Variants in PTPDC1 observed in about 807,000 individuals in gnomAD.
PTPDC1 encodes the protein protein tyrosine phosphatase domain-containing protein 1.
Under a neutral mutation model 75.3 loss-of-function variants are expected in PTPDC1, and 53 were observed. That is an observed-to-expected ratio of 0.70 (90% CI 0.56 to 0.88). PTPDC1 has a LOEUF of 0.88. PTPDC1 is among the 40% of genes least tolerant of loss of function. The pLI, the probability that PTPDC1 is intolerant of heterozygous loss-of-function variation, is 0.00. For missense variants in PTPDC1, 925 were observed against 998.6 expected (o/e 0.93, Z 0.99); for synonymous variants, 349 against 366.2 (o/e 0.95, Z 0.54).
At position 94,099,467 on chromosome 9, in the gene PTPDC1, A is replaced by T. The variant is rs142683265; in HGVS notation, c.2013+888A>T. Among the ~76,000 whole-genome samples the T allele has an allele frequency of 1.7e-3, 262 of 152,354 alleles. 2 individuals are homozygous for T. The highest frequency in any genetic ancestry group is 5.9e-3 in the African/African-American group (247 of 41,588). ...GTCTGCCATTGATTAAACAAGGCAT[A>T]TAAAATTTCTGAGTGCCAGTATCTC... On this transcript the variant is annotated intron_variant, in intron 6 of 8. Transcript: ENST00000620992.
rs1301513696 is a variant in PTPDC1 at position 94,088,570 on chromosome 9, A to T, written c.616+307A>T. Among the ~76,000 whole-genome samples, 3 of 152,116 alleles carry T rather than the reference A, an allele frequency of 2.0e-5. No individual in the cohort carries two copies. In the East Asian group the frequency reaches 5.8e-4, roughly 29 times the overall value. On this transcript the variant is annotated intron_variant, in intron 4 of 8. Transcript: ENST00000620992. ...AAAGCAGTTGTGTAACAAAATTATT[A>T]TTTCTGTTTTACATATGAAGCCACA... is the stretch of plus-strand genomic sequence containing the variant.
At chr9:94,049,255 C>A (rs1364745573) in intron 1 of PTPDC1, among the ~76,000 whole-genome samples, 1 of 151,462 alleles carries the variant, frequency 6.6e-6, no homozygotes, top group Non-Finnish European at 1.5e-5. Flanking sequence ...AATTCACTAA[C>A]CTGATGTTAG....
chr9:94,088,226 C>T lies in PTPDC1; in HGVS notation c.579C>T (p.Gly193=), dbSNP rs1270330432. 1 of 1,613,998 alleles carries T rather than the reference C, an allele frequency of 6.2e-7. No homozygotes were observed. Among genetic ancestry groups the T allele is most frequent in the Non-Finnish European group, 8.5e-7 (1 of 1,179,936 alleles). ...SCGNPLEQES[G]FTYLPEAFME... ...GGAACCCTCTGGAACAAGAAAGTGGCTTCACATACCTTCCTGAGGCTTTCA... is the reference window on the plus strand; with the variant it reads ...GGAACCCTCTGGAACAAGAAAGTGGTTTCACATACCTTCCTGAGGCTTTCA... Residue 193 remains glycine, a synonymous_variant, in exon 4 of 9, where the codon GGC becomes GGT. Transcript: ENST00000620992.
At chr9:94,105,917 G>A (rs886406291) in intron 8 of PTPDC1, among the ~76,000 whole-genome samples, 8 of 151,724 alleles carry the variant, frequency 5.3e-5, no homozygotes, top group African/African-American at 1.7e-4. Context: ...AGCTTGCAGT[G>A]AGCCAAGATT....
At chr9:94,093,386 T>C (rs1827404788) in intron 4 of PTPDC1, among the ~76,000 whole-genome samples, 1 of 149,388 alleles carries the variant, frequency 6.7e-6, no homozygotes, top group Non-Finnish European at 1.5e-5. Context: ...TGAAAATTCT[T>C]TTCTTTAAGA....
chr9:94,049,877 A>C (rs917193659), intron 1 of PTPDC1, among the ~76,000 whole-genome samples: 3 of 152,100 alleles, frequency 2.0e-5, no homozygotes, highest in African/African-American at 7.2e-5. Flanking sequence ...TGGTCTTTTC[A>C]CATAGTCCCA....
At chr9:94,047,472 T>C (rs1825643720) in intron 1 of PTPDC1, among the ~76,000 whole-genome samples, 1 of 152,038 alleles carries the variant, frequency 6.6e-6, no homozygotes, top group South Asian at 2.1e-4. Context: ...GCAGGAAAGA[T>C]CTAAAATTGA....
At position 94,084,580 on chromosome 9, in the gene PTPDC1, G is replaced by C. The variant is rs1187175302; in HGVS notation, c.50G>C (p.Ser17Thr). 1 of 1,613,740 alleles carries C rather than the reference G, an allele frequency of 6.2e-7. No homozygotes were observed. Among genetic ancestry groups the C allele is most frequent in the African/African-American group, 1.3e-5 (1 of 75,062 alleles). ...TRRPSAVRFL[S>T]SFLQGRRHST... ...CGGCCCTCAGCCGTGCGCTTCCTCA[G>C]CTCCTTTCTCCAGGGCCGCCGGCAC... Residue 17 changes from serine (S) to threonine (T), a missense_variant, in exon 1 of 9, where the codon AGC (serine) becomes ACC (threonine). Transcript: ENST00000620992.
At chr9:94,086,547 T>C (rs1057147732) in intron 2 of PTPDC1, among the ~76,000 whole-genome samples, 1 of 152,156 alleles carries the variant, frequency 6.6e-6, no homozygotes, top group Admixed American at 6.5e-5. Flanking sequence ...CTGAGATTCA[T>C]GTGACCCACG....
At chr9:94,101,829 A>G (rs1486655660) in intron 7 of PTPDC1, 78 bp downstream of exon 7, 2 of 821,010 alleles carry the variant, frequency 2.4e-6, no homozygotes. Flanking sequence ...AATCCATTAT[A>G]AAAAAAGAGA....
Position 94,097,440 on chromosome 9 carries a change from A to G in PTPDC1, c.874A>G (p.Arg292Gly). Residue 292 changes from arginine to glycine, a missense_variant, in exon 6 of 9, where the codon AGG becomes GGG. Arg to Gly is a moderately radical substitution (Grantham distance 125, BLOSUM62 -2). Transcript: ENST00000620992. ...AACCAGAGGACAGCTCCTCTGTGTA[A>G]GGGAATTTACTCAGTTTCTAACTCC... ...IQTRGQLLCV[R>G]EFTQFLTPLR... 6.2e-7 allele frequency: 1 copy of G among 1,614,170 alleles called. No homozygotes were observed. The highest frequency in any genetic ancestry group is 8.5e-7 in the Non-Finnish European group (1 of 1,180,018).
At chr9:94,066,837 A>T (rs567695111) in intron 2 of PTPDC1, among the ~76,000 whole-genome samples, 10 of 152,246 alleles carry the variant, frequency 6.6e-5, no homozygotes, top group Admixed American at 1.3e-4. Context: ...CGATTACAGA[A>T]GTGAGCCACC....
chr9:94,074,335 T>C (rs1826607839), intron 2 of PTPDC1, among the ~76,000 whole-genome samples: 1 of 152,152 alleles, frequency 6.6e-6, no homozygotes, highest in Admixed American at 6.5e-5. Flanking sequence ...TTTGACATCT[T>C]TGTGGTAAAA....
At chr9:94,055,075 A>G (rs1825893421) in intron 1 of PTPDC1, among the ~76,000 whole-genome samples, 1 of 152,214 alleles carries the variant, frequency 6.6e-6, no homozygotes, top group Non-Finnish European at 1.5e-5. Flanking sequence ...TGAATCGTGA[A>G]TAAAAGCCAA....
chr9:94,050,711 A>G (rs558832787), intron 1 of PTPDC1, among the ~76,000 whole-genome samples: 156 of 152,268 alleles, frequency 1.0e-3, no homozygotes, highest in Non-Finnish European at 2.2e-4. Context: ...CAAACTGCGT[A>G]CTGGGAGAAC....
chr9:94,088,017 GAA>G (rs1310452507), intron 3 of PTPDC1, 106 bp downstream of exon 3: 21 of 1,441,204 alleles, frequency 1.5e-5, no homozygotes, highest in Non-Finnish European at 2.0e-5. Flanking sequence ...AATAGGCAGT[GAA>G]GAGTGTATTT....
In PTPDC1 at chr9:94,104,296, T is replaced by C. The variant is rs1564039894; in HGVS notation, c.2221T>C (p.Cys741Arg). The C allele has an allele frequency of 1.9e-6, 3 of 1,613,664 alleles. No homozygotes were observed. Among genetic ancestry groups the C allele is most frequent in the Admixed American group, 1.7e-5 (1 of 60,014 alleles). ...ACAGGGACAGCACCAGACTATTCTC[T>C]GCGTGTTGCACTGCATAGTGAACCT... ...LEKGQHQTIL[C>R]VLHCIVNLQT... Residue 741 changes from cysteine (C) to arginine (R), a missense_variant, in exon 8 of 9, where the codon TGC (cysteine) becomes CGC (arginine). Cys to Arg is a radical substitution (Grantham distance 180, BLOSUM62 -3). Coordinates refer to ENST00000620992, the MANE Select transcript of PTPDC1 (RefSeq NM_001253829.2).
chr9:94,072,725 A>T (rs1452655370), intron 2 of PTPDC1, among the ~76,000 whole-genome samples: 1 of 152,154 alleles, frequency 6.6e-6, no homozygotes, highest in African/African-American at 2.4e-5. Flanking sequence ...AGTTTTTATC[A>T]TGAGTCAGTG....
chr9:94,102,770 A>G lies in PTPDC1; in HGVS notation c.2199+1019A>G, dbSNP rs566570921. ...ATTTTGTAATTTTAGTGGAGACAGG[A>G]TTTCTCCATGTTGGTCAGGCTGGTC... On this transcript the variant is annotated intron_variant, in intron 7 of 8. Transcript: ENST00000620992. 2.0e-5 allele frequency among the ~76,000 whole-genome samples: 3 copies of G among 152,024 alleles called. No individual in the cohort carries two copies. The East Asian group carries it at 5.8e-4, about 29-fold the overall frequency.
Sources: gnomAD v4.1 joint callset for allele counts (sites outside exome capture counted in the v4.1 genomes callset) on GRCh38, gnomAD v4.1.1 for gene constraint, MANE v1.5 for transcripts, NCBI Gene and HGNC (gene_info 2026-07-23, HGNC 2026-07-21) for gene names.